MED12L: variants seen among roughly 807,000 people sequenced by gnomAD.
The protein encoded by MED12L is mediator of RNA polymerase II transcription subunit 12-like protein.
Under a neutral mutation model 281.3 loss-of-function variants are expected in MED12L, and 60 were observed. The ratio of observed to expected loss-of-function variants is 0.21; its 90% confidence interval spans 0.17 to 0.26. The LOEUF (loss-of-function observed/expected upper bound fraction) is 0.26, where lower values mean the gene tolerates loss of function less well. Ranked by LOEUF, MED12L falls within the 10% of genes least tolerant of loss-of-function variation. MED12L has a pLI of 1.00. For synonymous variants in MED12L, 974 were observed against 987.2 expected, an observed-to-expected ratio of 0.99 and a Z score of 0.25; for missense variants, 2,146 against 2,680.9, an observed-to-expected ratio of 0.80 and a Z score of 4.41.
chr3:151,402,385 C>G (rs1715798562), intron 39 of MED12L, among the ~76,000 whole-genome samples: 1 of 152,180 alleles, frequency 6.6e-6, no homozygotes, highest in African/African-American at 2.4e-5. Context: ...AGTGGTCGCA[C>G]TATAAATATT....
rs202203582 is a variant in MED12L, at chr3:151,231,587, T to TA, written c.2250+37928dup. ...ATAAAGCAACCAGCCTTGGACTCTTTAAAAAAATCAATGCCACGAGAAACA... is the reference window on the plus strand; with the variant it reads ...ATAAAGCAACCAGCCTTGGACTCTTTAAAAAAAATCAATGCCACGAGAAACA... On this transcript the variant is annotated intron_variant, in intron 16 of 44. Coordinates refer to ENST00000687756, the MANE Select transcript of MED12L (RefSeq NM_001393769.1). 4.9e-3 allele frequency among the ~76,000 whole-genome samples: 744 copies of TA among 152,206 alleles called. 28 individuals carry two copies. Among genetic ancestry groups the TA allele is most frequent in the Admixed American group, 0.039 (597 of 15,296 alleles).
chr3:151,316,758 C>T (rs1317261847), intron 16 of MED12L: 2 of 152,184 alleles, frequency 1.3e-5, no homozygotes, highest in African/African-American at 4.8e-5. Context: ...TAGGTATCTC[C>T]CTTACCCCTT....
chr3:151,383,692 AAAC>A (rs1712810514), intron 33 of MED12L, 84 bp from the exon 34 acceptor site: 2 of 815,380 alleles, frequency 2.5e-6, no homozygotes, highest in South Asian at 1.8e-5. Context: ...TTTAAATAAA[AAAC>A]AATCAAAATT....
At position 151,178,534 on chromosome 3, in the gene MED12L, G is replaced by A. The variant is rs143972703; in HGVS notation, c.1495-6796G>A. Among the ~76,000 whole-genome samples, 7 of 152,314 alleles carry A rather than the reference G, an allele frequency of 4.6e-5. No homozygotes were observed. The East Asian group carries it at 1.4e-3, about 29-fold the overall frequency. On this transcript the variant is annotated intron_variant, in intron 11 of 44. Coordinates refer to ENST00000687756, the MANE Select transcript of MED12L (RefSeq NM_001393769.1). ...ATTGTGTACGCTGGAGGGAAGGACAGAGTTACCTACCCAGGTTCTTTTGAC... is the reference window on the plus strand; with the variant it reads ...ATTGTGTACGCTGGAGGGAAGGACAAAGTTACCTACCCAGGTTCTTTTGAC...
At chr3:151,208,149 C>G (rs1726619474) in intron 16 of MED12L, among the ~76,000 whole-genome samples, 1 of 152,146 alleles carries the variant, frequency 6.6e-6, no homozygotes, top group African/African-American at 2.4e-5. Flanking sequence ...TACTTTCATA[C>G]TGTTAGCCAG....
chr3:151,344,347 C>G lies in MED12L; in HGVS notation c.2251-5712C>G, dbSNP rs142134756. Reference sequence around the variant, plus strand: ...ATTTCTTCATTCCTGTAACAGTTTCCTCATCCATGTGCACACCCATTCTTC... The same window carrying G: ...ATTTCTTCATTCCTGTAACAGTTTCGTCATCCATGTGCACACCCATTCTTC... On this transcript the variant is annotated intron_variant, in intron 16 of 44. Transcript: ENST00000687756. 3.3e-3 allele frequency among the ~76,000 whole-genome samples: 503 copies of G among 151,846 alleles called. 4 individuals carry two copies. Among genetic ancestry groups the G allele is most frequent in the African/African-American group, 0.012 (487 of 41,406 alleles).
Position 151,188,493 on chromosome 3 carries a change from A to T in MED12L, c.1753+13A>T. The T allele has an allele frequency of 3.7e-6, 6 of 1,601,968 alleles. No individual in the cohort carries two copies. The highest frequency in any genetic ancestry group is 5.1e-6 in the Non-Finnish European group (6 of 1,174,454). On this transcript the variant is annotated intron_variant, in intron 13 of 44. Transcript: ENST00000687756. Reference sequence around the variant, plus strand: ...GCCCCCTCTTTGTGTAAGTAGAGAAAACTCTTTGCCTCTAGATCTTAAATA... The same window carrying T: ...GCCCCCTCTTTGTGTAAGTAGAGAATACTCTTTGCCTCTAGATCTTAAATA...
chr3:151,290,198 A>G (rs914458611), intron 16 of MED12L, among the ~76,000 whole-genome samples: 13 of 152,112 alleles, frequency 8.5e-5, no homozygotes, highest in Admixed American at 1.3e-4. Flanking sequence ...ACTCTAACAT[A>G]ATTCAAAGAG....
At chr3:151,349,287 G>C (rs1200138484) in intron 16 of MED12L, among the ~76,000 whole-genome samples, 2 of 152,166 alleles carry the variant, frequency 1.3e-5, no homozygotes, top group East Asian at 1.9e-4. Flanking sequence ...TGTGCCTATG[G>C]GGTGGTGGTG....
chr3:151,178,781 G>T (rs1004522388), intron 11 of MED12L, among the ~76,000 whole-genome samples: 1 of 152,088 alleles, frequency 6.6e-6, no homozygotes, highest in Non-Finnish European at 1.5e-5. Flanking sequence ...TGTAAATTGG[G>T]TAGGCACTCA....
At chr3:151,231,256 G>A (rs1164692395) in intron 16 of MED12L, among the ~76,000 whole-genome samples, 1 of 152,346 alleles carries the variant, frequency 6.6e-6, no homozygotes, top group Non-Finnish European at 1.5e-5. Flanking sequence ...TGCAACCTCA[G>A]TGTGATAACT....
intron 31 of MED12L, 71 bp downstream of exon 31, chr3:151,378,244 CTGTG>C: frequency 7.0e-7 from 1 of 1,424,156 alleles, no homozygotes; most frequent in Non-Finnish European, 9.4e-7. Context: ...TCCTGTAAAC[CTGTG>C]TGGTCACTGT....
intron 16 of MED12L, chr3:151,328,490 G>A (rs760204895): frequency 1.4e-5 from 23 of 1,613,890 alleles, no homozygotes; most frequent in African/African-American, 1.1e-4. Context: ...TTTCACAGAC[G>A]ATGGTGTTGC....
At chr3:151,291,164 T>C (rs1482077480) in intron 16 of MED12L, among the ~76,000 whole-genome samples, 1 of 145,284 alleles carries the variant, frequency 6.9e-6, no homozygotes, top group Non-Finnish European at 1.5e-5. Context: ...TTTTTTTTTT[T>C]TGTTTTTATT....
rs1333211901 is a variant in MED12L at position 151,378,178 on chromosome 3, G to C, written c.4478+5G>C. ...GGACAGACAGAAACAGAAAAGGTGT[G>C]GCTGGAAGATGGGCGTCTGTGTGAG... On this transcript the variant is annotated splice_donor_5th_base_variant and intron_variant, in intron 31 of 44. Transcript: ENST00000687756. The C allele has an allele frequency of 6.3e-7, 1 of 1,596,318 alleles. No individual in the cohort carries two copies. The highest frequency in any genetic ancestry group is 1.3e-5 in the African/African-American group (1 of 74,240).
chr3:151,375,874 A>T, intron 27 of MED12L, 152 bp from the exon 28 acceptor site: 2 of 457,424 alleles, frequency 4.4e-6, no homozygotes, highest in Non-Finnish European at 7.0e-6. Flanking sequence ...TTTGTTTTTT[A>T]AAATTTTTCT....
chr3:151,200,821 T>C (rs1183064864), intron 16 of MED12L: 2 of 152,248 alleles, frequency 1.3e-5, no homozygotes, highest in African/African-American at 4.8e-5. Context: ...CATGTACTTA[T>C]TTAACTTCTT....
chr3:151,117,079 G>A (rs1384634315), intron 3 of MED12L, among the ~76,000 whole-genome samples: 1 of 152,094 alleles, frequency 6.6e-6, no homozygotes, highest in Non-Finnish European at 1.5e-5. Flanking sequence ...CAAAATGCAG[G>A]TTTTCTAATT....
At chr3:151,425,647 TTA>T (rs1351061908) in intron 43 of MED12L, 2 of 456,652 alleles carry the variant, frequency 4.4e-6, no homozygotes, top group East Asian at 1.4e-4. Context: ...TGTTGATTAG[TTA>T]TACCTGACAG....
Sources: allele counts gnomAD v4.1 joint callset (sites outside exome capture counted in the v4.1 genomes callset), GRCh38; gene constraint gnomAD v4.1.1; transcripts MANE v1.5; gene names NCBI Gene and HGNC (gene_info 2026-07-23, HGNC 2026-07-21).